NBPF15: variants seen among roughly 807,000 people sequenced by gnomAD.
NBPF15 encodes NBPF family member NBPF15.
NBPF15 carries 74 observed loss-of-function variants against 62.2 expected under a neutral mutation model. The observed-to-expected ratio is 1.19, with a 90% CI of 0.99 to 1.44. The LOEUF is 1.44. NBPF15 is among the 40% of genes most tolerant of loss of function. The pLI is 0.00. For synonymous variants in NBPF15, 244 were observed against 209.7 expected, an observed-to-expected ratio of 1.16 and a Z score of -1.41; for missense variants, 790 against 550.0, an observed-to-expected ratio of 1.44 and a Z score of -4.36.
chr1:144,426,281 C>T lies in NBPF15; in HGVS notation c.1435G>A (p.Asp479Asn), dbSNP rs1553539221. 4.9e-6 allele frequency: 3 copies of T among 610,002 alleles called. No homozygotes were observed. The highest frequency in any genetic ancestry group is 8.6e-6 in the Non-Finnish European group (3 of 349,748). 37.8% of individuals were successfully genotyped at this position (610,002 alleles called of 1,614,324 possible). A position where few individuals can be genotyped will look rare whatever the true frequency, so the allele number is the denominator to read the frequency against. The stretch of plus-strand genomic sequence containing the variant: ...ACCTTCACAGTAAGGTACTCACTGT[C>T]CACGTCAAGAGCCAAGCCAAGGTAC... ...EQYLGLALDV[D>N]RIKKDQEEEE... The change falls in exon 18 of 22, where the codon GAC becomes AAC. Residue 479 changes from aspartate (D) to asparagine (N), a missense_variant. Physicochemically the swap from Asp to Asn is conservative, Grantham distance 23. Transcript: ENST00000581897.
intron 3 of NBPF15, among the ~76,000 whole-genome samples, chr1:144,458,869 A>G (rs1650214560): frequency 1.3e-5 from 2 of 151,806 alleles, no homozygotes; most frequent in African/African-American, 2.4e-5. Context: ...TTGAATCCCA[A>G]TCTCTACAAA....
intron 16 of NBPF15, 92 bp from the exon 17 acceptor site, chr1:144,427,190 G>A (rs1179148371): frequency 1.1e-5 from 7 of 627,228 alleles, no homozygotes; most frequent in Admixed American, 2.5e-5. Flanking sequence ...GGGACTTCAG[G>A]CTCCTCAGCA....
intron 4 of NBPF15, among the ~76,000 whole-genome samples, chr1:144,451,356 G>C (rs1571159281): frequency 6.6e-6 from 1 of 151,460 alleles, no homozygotes; most frequent in African/African-American, 2.4e-5. Flanking sequence ...CATTGCCCAG[G>C]GATGAGCAGG....
intron 4 of NBPF15, among the ~76,000 whole-genome samples, chr1:144,456,148 G>A (rs1198794803): frequency 3.3e-5 from 5 of 151,218 alleles, no homozygotes; most frequent in African/African-American, 1.2e-4. Flanking sequence ...CAGGGAGGGG[G>A]TGAGCCATGA....
At chr1:144,432,609 G>A (rs1301523223) in intron 13 of NBPF15, among the ~76,000 whole-genome samples, 1 of 151,892 alleles carries the variant, frequency 6.6e-6, no homozygotes, top group Non-Finnish European at 1.5e-5. Flanking sequence ...AAGGGATGGA[G>A]GAAGATCTAC....
chr1:144,431,475 GTA>G (rs878998903), intron 13 of NBPF15, among the ~76,000 whole-genome samples: 13,531 of 147,334 alleles, frequency 0.092, 1,309 homozygotes, highest in African/African-American at 0.28. Flanking sequence ...TTGTGTGTAT[GTA>G]TATATATATA....
intron 9 of NBPF15, among the ~76,000 whole-genome samples, chr1:144,437,320 G>A (rs1292354574): frequency 2.0e-5 from 3 of 151,544 alleles, no homozygotes; most frequent in Non-Finnish European, 2.9e-5. Flanking sequence ...CAAGATCCTC[G>A]ATGATGTTCC....
chr1:144,434,500 C>CA (rs1209074766), intron 12 of NBPF15, among the ~76,000 whole-genome samples: 18,389 of 60,608 alleles, frequency 0.3, 1,936 homozygotes, highest in East Asian at 0.7. Context: ...GACTCCATCG[C>CA]AAAAAAAAAA....
rs1571176247 is a variant in NBPF15 at position 144,460,980 on chromosome 1, G to A, written c.-937-19C>T. 1 of 151,310 alleles carries A rather than the reference G, an allele frequency of 6.6e-6. No individual in the cohort carries two copies. The highest frequency in any genetic ancestry group is 2.4e-5 in the African/African-American group (1 of 41,102). 9.4% of individuals were successfully genotyped at this position (151,310 alleles called of 1,614,324 possible). On this transcript the variant is annotated intron_variant, in intron 1 of 21. Coordinates refer to ENST00000581897, the MANE Select transcript of NBPF15 (RefSeq NM_001385408.1). ...CACCAGCCTGGAGAAACCGCCAGGA[G>A]CAGAATCCCGGAGGCCAATAAAGAC...
chr1:144,455,426 G>A (rs1462593627), intron 4 of NBPF15, among the ~76,000 whole-genome samples: 21 of 152,136 alleles, frequency 1.4e-4, no homozygotes, highest in East Asian at 3.9e-4. Context: ...AAAACTATAT[G>A]CTGTTTCCAC....
intron 21 of NBPF15, among the ~76,000 whole-genome samples, 180 bp downstream of exon 21, chr1:144,423,690 T>C (rs1380253664): frequency 6.6e-6 from 1 of 151,920 alleles, no homozygotes; most frequent in African/African-American, 2.4e-5. Flanking sequence ...CGTTAGTAAA[T>C]GATAAGGGGA....
At chr1:144,452,353 C>T (rs1479757093) in intron 4 of NBPF15, among the ~76,000 whole-genome samples, 12 of 151,984 alleles carry the variant, frequency 7.9e-5, no homozygotes, top group African/African-American at 2.7e-4. Flanking sequence ...CTATTATGTT[C>T]CCCCAAAAAC....
chr1:144,444,934 T>G (rs1303811684), intron 6 of NBPF15, among the ~76,000 whole-genome samples: 1 of 151,924 alleles, frequency 6.6e-6, no homozygotes, highest in Non-Finnish European at 1.5e-5. Context: ...TGTTTAACCT[T>G]TAAGAAACTG....
chr1:144,438,415 G>A (rs1189104339), intron 8 of NBPF15, among the ~76,000 whole-genome samples: 45 of 152,020 alleles, frequency 3.0e-4, no homozygotes, highest in Admixed American at 1.1e-3. Context: ...GTGATTTCTC[G>A]TACAGTCGGG....
At position 144,461,483 on chromosome 1, in the gene NBPF15, G is replaced by A. The variant is rs1285622339; in HGVS notation, c.-1040C>T. 1.3e-5 allele frequency: 2 copies of A among 152,734 alleles called. No homozygotes were observed. The highest frequency in any genetic ancestry group is 2.9e-5 in the Non-Finnish European group (2 of 68,594). 9.5% of individuals were successfully genotyped at this position (152,734 alleles called of 1,614,324 possible). On this transcript the variant is annotated 5_prime_UTR_variant, in exon 1 of 22. Coordinates refer to ENST00000581897, the MANE Select transcript of NBPF15 (RefSeq NM_001385408.1). ...AGACGGCATCCGTGCGCCACGCCTC[G>A]GCCCGCTCCTGGCGCCACAGGTCGC...
intron 4 of NBPF15, among the ~76,000 whole-genome samples, chr1:144,452,440 G>T (rs1393641576): frequency 6.6e-6 from 1 of 151,418 alleles, no homozygotes; most frequent in Non-Finnish European, 1.5e-5. Context: ...CCCAAACACA[G>T]GAAAATATAA....
intron 3 of NBPF15, among the ~76,000 whole-genome samples, chr1:144,458,392 A>G: frequency 6.6e-6 from 1 of 151,598 alleles, no homozygotes; most frequent in East Asian, 1.9e-4. Context: ...TGAACACCAC[A>G]TACTTCCCTT....
chr1:144,436,193 A>G (rs1478975310), intron 10 of NBPF15, among the ~76,000 whole-genome samples: 1 of 152,046 alleles, frequency 6.6e-6, no homozygotes, highest in East Asian at 1.9e-4. Flanking sequence ...GTGTCCCGTC[A>G]CAGTTTGCAT....
intron 20 of NBPF15, 143 bp from the exon 21 acceptor site, chr1:144,424,118 G>C: frequency 1.4e-6 from 1 of 735,864 alleles, no homozygotes; most frequent in East Asian, 2.5e-5. Context: ...CAGGAGGTCT[G>C]AAGGCTGGTC....
Sources: allele counts gnomAD v4.1 joint callset (sites outside exome capture counted in the v4.1 genomes callset), GRCh38; gene constraint gnomAD v4.1.1; transcripts MANE v1.5; gene names NCBI Gene and HGNC (gene_info 2026-07-23, HGNC 2026-07-21).